MAP7D1: variants seen among roughly 807,000 people sequenced by gnomAD.
MAP7D1 encodes MAP7 domain-containing protein 1.
Under a neutral mutation model 97.5 loss-of-function variants are expected in MAP7D1, and 30 were observed. The ratio of observed to expected loss-of-function variants is 0.31; its 90% CI spans 0.23 to 0.42. The LOEUF (loss-of-function observed/expected upper bound fraction) is 0.42. Among genes scored for constraint, MAP7D1 ranks in the 10% least tolerant of loss-of-function variants. The pLI is 1.00. For missense variants in MAP7D1, 1,184 were observed against 1,179.5 expected, an observed-to-expected ratio of 1.00 and a Z score of -0.06; for synonymous variants, 536 against 477.1, an observed-to-expected ratio of 1.12 and a Z score of -1.61.
chr1:36,174,377 CAT>C (rs757385735), intron 5 of MAP7D1, among the ~76,000 whole-genome samples: 9 of 152,244 alleles, frequency 5.9e-5, no homozygotes, highest in Admixed American at 1.3e-4. Flanking sequence ...TGTCTGCACA[CAT>C]GTGTGCATGC....
intron 1 of MAP7D1, among the ~76,000 whole-genome samples, chr1:36,163,804 A>G (rs1644440904): frequency 7.1e-6 from 1 of 141,730 alleles, no homozygotes; most frequent in African/African-American, 2.7e-5. Context: ...CCACATAGAT[A>G]TATACTTTTT....
Position 36,177,995 on chromosome 1 carries a change from C to G in MAP7D1, c.1502C>G (p.Thr501Ser), listed in dbSNP as rs1270761227. The stretch of plus-strand genomic sequence containing the variant: ...AAGCCACCGTCCCCCCGAGGCACCA[C>G]TGCATCCCCCAAGGGGCGGGTTCGG... ...PPKPPSPRGT[T>S]ASPKGRVRRK... is the part of the protein sequence containing the mutation. The change falls in exon 9 of 17, where the codon ACT (threonine) becomes AGT (serine). Residue 501 changes from threonine to serine, a missense_variant. By Grantham distance (58) the Thr-to-Ser change is moderately conservative. Coordinates refer to ENST00000474796, the MANE Select transcript of MAP7D1 (RefSeq NM_001388490.1). The G allele has an allele frequency of 4.3e-5, 69 of 1,612,656 alleles. No individual in the cohort carries two copies. Among genetic ancestry groups the G allele is most frequent in the Non-Finnish European group, 5.6e-5 (66 of 1,179,090 alleles).
intron 12 of MAP7D1, 118 bp downstream of exon 12, chr1:36,179,143 T>C (rs900082004): frequency 1.3e-6 from 2 of 1,484,348 alleles, no homozygotes; most frequent in African/African-American, 2.8e-5. Flanking sequence ...CCAGTTCCTG[T>C]CCTGGAGAGG....
At chr1:36,172,378 C>A in intron 3 of MAP7D1, 86 bp from the exon 4 acceptor site, 1 of 1,315,864 alleles carries the variant, frequency 7.6e-7, no homozygotes, top group Non-Finnish European at 9.9e-7. Flanking sequence ...GCATGGGTAG[C>A]AGGGCTGGCC....
At chr1:36,172,256 G>A (rs1279773288) in intron 3 of MAP7D1, 1 of 432,498 alleles carries the variant, frequency 2.3e-6, no homozygotes, top group East Asian at 3.5e-5. Context: ...TAAGGCCAAT[G>A]GAGGAGAAAT....
chr1:36,172,259 G>A (rs1644555548), intron 3 of MAP7D1: 1 of 438,244 alleles, frequency 2.3e-6, no homozygotes, highest in East Asian at 3.5e-5. Flanking sequence ...GGCCAATGGA[G>A]GAGAAATAGG....
At position 36,176,513 on chromosome 1, in the gene MAP7D1, G is replaced by A. The variant is rs1292039647; in HGVS notation, c.1165G>A (p.Gly389Arg). Residue 389 changes from glycine (G) to arginine (R), a missense_variant, in exon 7 of 17, where the codon GGG (glycine) becomes AGG (arginine). Gly to Arg is a moderately radical substitution (Grantham distance 125). Coordinates refer to ENST00000474796, the MANE Select transcript of MAP7D1 (RefSeq NM_001388490.1). This position sits in a 1 kb window ranked among gnomAD's most constrained non-coding sequence, Gnocchi z 6.1. ...VHRCAPAGER[G>R]ERRKPNAGGS... ...CCGCTGCGCCCCCGCCGGTGAGCGCGGGGAGCGCCGCAAGCCCAACGCCGG... is the reference window on the plus strand; with the variant it reads ...CCGCTGCGCCCCCGCCGGTGAGCGCAGGGAGCGCCGCAAGCCCAACGCCGG... 7.3e-7 allele frequency: 1 copy of A among 1,377,588 alleles called. No homozygotes were observed. Among genetic ancestry groups the A allele is most frequent in the Non-Finnish European group, 9.4e-7 (1 of 1,067,226 alleles). 85.3% of individuals were successfully genotyped at this position (1,377,588 alleles called of 1,614,324 possible).
At chr1:36,158,915 A>G (rs1427610779) in intron 1 of MAP7D1, among the ~76,000 whole-genome samples, 1 of 152,208 alleles carries the variant, frequency 6.6e-6, no homozygotes, top group African/African-American at 2.4e-5. Context: ...CATCTGTAAA[A>G]TGAGAATAAT....
At chr1:36,171,802 C>A in intron 3 of MAP7D1, 2 of 403,602 alleles carry the variant, frequency 5.0e-6, no homozygotes, top group South Asian at 4.4e-5. Context: ...GGCATGGTGG[C>A]ACATCCCTGT....
rs1644681744 is a variant in MAP7D1 at position 36,179,326 on chromosome 1, C to G, written c.2184+11C>G. The G allele has an allele frequency of 6.2e-7, 1 of 1,613,908 alleles. No homozygotes were observed. Among genetic ancestry groups the G allele is most frequent in the South Asian group, 1.1e-5 (1 of 91,050 alleles). On this transcript the variant is annotated intron_variant, in intron 13 of 16. Transcript: ENST00000474796. ...GTTTCTGAAACCAAGGTCAGAATTC[C>G]CCCGAAGGGCAGTGCTGGGCGTGGG... is the stretch of plus-strand genomic sequence containing the variant.
At chr1:36,163,702 C>A (rs1332362930) in intron 1 of MAP7D1, among the ~76,000 whole-genome samples, 1 of 152,148 alleles carries the variant, frequency 6.6e-6, no homozygotes, top group South Asian at 2.1e-4. Context: ...TTAACTTCTA[C>A]CTGTGTGGCT....
intron 1 of MAP7D1, among the ~76,000 whole-genome samples, chr1:36,160,857 C>G (rs1159726917): frequency 1.4e-4 from 22 of 152,202 alleles, no homozygotes; most frequent in Non-Finnish European, 5.9e-5. Context: ...GGAGCCTAAG[C>G]AGTTGAACCA....
At chr1:36,174,191 G>A (rs1644585849) in intron 5 of MAP7D1, among the ~76,000 whole-genome samples, 1 of 152,218 alleles carries the variant, frequency 6.6e-6, no homozygotes, top group African/African-American at 2.4e-5. Flanking sequence ...GATGTTTGAA[G>A]GATCAAATGA....
chr1:36,170,383 C>T (rs1280472668), intron 1 of MAP7D1, among the ~76,000 whole-genome samples: 1 of 152,220 alleles, frequency 6.6e-6, no homozygotes, highest in Admixed American at 6.5e-5. Context: ...TTACGTCCTT[C>T]CTCTTGGTCA....
In MAP7D1 at chr1:36,176,859, C is replaced by T. The variant is rs753392662; in HGVS notation, c.1379+17C>T. 6.4e-6 allele frequency: 10 copies of T among 1,569,306 alleles called. No individual in the cohort carries two copies. The highest frequency in any genetic ancestry group is 5.8e-5 in the South Asian group (5 of 86,648). On this transcript the variant is annotated intron_variant, in intron 8 of 16. Coordinates refer to ENST00000474796, the MANE Select transcript of MAP7D1 (RefSeq NM_001388490.1). This position sits in a 1 kb window ranked among gnomAD's most constrained non-coding sequence, Gnocchi z 6.1. ...TGAGCTCAGGTGGGCGCGGGCGGTGCGAGGGACCCTGCCCCTCACCGGGTC... is the reference window on the plus strand; with the variant it reads ...TGAGCTCAGGTGGGCGCGGGCGGTGTGAGGGACCCTGCCCCTCACCGGGTC...
At chr1:36,163,714 A>C (rs1644439672) in intron 1 of MAP7D1, among the ~76,000 whole-genome samples, 1 of 151,666 alleles carries the variant, frequency 6.6e-6, no homozygotes, top group Non-Finnish European at 1.5e-5. Context: ...TGTGTGGCTT[A>C]GTCCAGGAAG....
At position 36,180,026 on chromosome 1, in the gene MAP7D1, C is replaced by T; in HGVS notation, c.2471C>T (p.Ala824Val). 6.2e-7 allele frequency: 1 copy of T among 1,614,146 alleles called. No individual in the cohort carries two copies. Among genetic ancestry groups the T allele is most frequent in the African/African-American group, 1.3e-5 (1 of 75,062 alleles). ...ETLLPFAEAEAFLKKAVVQSP... is the reference protein window; with the variant it reads ...ETLLPFAEAEVFLKKAVVQSP... ...CTCCTGCCCTTTGCAGAGGCAGAAG[C>T]CTTCCTCAAGAAAGCTGTGGTGCAG... Residue 824 changes from alanine to valine, a missense_variant, in exon 16 of 17, where the codon GCC (alanine) becomes GTC (valine). Ala to Val is a moderately conservative substitution (Grantham distance 64). Coordinates refer to ENST00000474796, the MANE Select transcript of MAP7D1 (RefSeq NM_001388490.1).
chr1:36,180,186 C>A, intron 16 of MAP7D1, 62 bp from the exon 17 acceptor site: 1 of 1,612,626 alleles, frequency 6.2e-7, no homozygotes, highest in Non-Finnish European at 8.5e-7. Context: ...CCCTGAAGAC[C>A]CCCAGCTATC....
chr1:36,176,174 G>T lies in MAP7D1; in HGVS notation c.851-25G>T. On this transcript the variant is annotated intron_variant, in intron 6 of 16. Coordinates refer to ENST00000474796, the MANE Select transcript of MAP7D1 (RefSeq NM_001388490.1). This position sits in a 1 kb window ranked among gnomAD's most constrained non-coding sequence, Gnocchi z 6.1. ...CCTCCTACGGCCCCCACGGTGACCG[G>T]CTTCGCCTGGCCTTCTACCCCCAGA... is the stretch of plus-strand genomic sequence containing the variant. 1 of 1,600,874 alleles carries T rather than the reference G, an allele frequency of 6.2e-7. No homozygotes were observed.
Sources: gnomAD v4.1 joint callset for allele counts (sites outside exome capture counted in the v4.1 genomes callset) on GRCh38, gnomAD v4.1.1 for gene constraint, Gnocchi (gnomAD v3.1) non-coding constraint, MANE v1.5 for transcripts, NCBI Gene and HGNC (gene_info 2026-07-23, HGNC 2026-07-21) for gene names.